TAF5L: variants seen among roughly 807,000 people sequenced by gnomAD.
TAF5L encodes the protein TAF5-like RNA polymerase II p300/CBP-associated factor-associated factor 65 kDa subunit 5L.
Under a neutral mutation model 51.3 loss-of-function variants are expected in TAF5L, and 7 were observed. The observed-to-expected ratio is 0.14, with a 90% CI of 0.08 to 0.26. TAF5L has a LOEUF of 0.26. TAF5L is among the 10% of genes least tolerant of loss of function. TAF5L has a pLI of 1.00. For missense variants in TAF5L, 575 were observed against 758.9 expected, an observed-to-expected ratio of 0.76 and a Z score of 2.85; for synonymous variants, 291 against 308.1, an observed-to-expected ratio of 0.94 and a Z score of 0.58.
chr1:229,605,190 T>C (rs113655395), intron 3 of TAF5L, among the ~76,000 whole-genome samples: 1,635 of 151,608 alleles, frequency 0.011, 27 homozygotes, highest in African/African-American at 0.038. Flanking sequence ...AGCTCCTGAC[T>C]TTAAGTGATA....
intron 1 of TAF5L, among the ~76,000 whole-genome samples, chr1:229,618,612 C>T (rs1259494147): frequency 6.6e-6 from 1 of 152,210 alleles, no homozygotes; most frequent in Non-Finnish European, 1.5e-5. Context: ...GGGAAAACCA[C>T]AGCCACACTT....
At chr1:229,598,865 A>C (rs1221297047) in intron 4 of TAF5L, among the ~76,000 whole-genome samples, 1 of 151,796 alleles carries the variant, frequency 6.6e-6, no homozygotes, top group Non-Finnish European at 1.5e-5. Context: ...CGCCCAGCTA[A>C]TTTTTGTATT....
At chr1:229,595,997 A>G (rs1664110604) in intron 4 of TAF5L, among the ~76,000 whole-genome samples, 1 of 152,206 alleles carries the variant, frequency 6.6e-6, no homozygotes, top group Non-Finnish European at 1.5e-5. Flanking sequence ...CCATTGGTTC[A>G]GGCATGGTGG....
At chr1:229,617,770 A>C (rs757571080) in intron 1 of TAF5L, among the ~76,000 whole-genome samples, 1 of 152,232 alleles carries the variant, frequency 6.6e-6, no homozygotes. Flanking sequence ...AACACTGACC[A>C]TATTTAAGAT....
rs1363449866 is a variant in TAF5L at position 229,594,306 on chromosome 1, C to T, written c.1761G>A (p.Gln587=). ...CAACAAAGTTAAAAAATTAATGTTCCTGATTTTCTTGTGTAATTCCAGTCA... is the reference window on the plus strand; with the variant it reads ...CAACAAAGTTAAAAAATTAATGTTCTTGATTTTCTTGTGTAATTCCAGTCA... Residue 587 remains glutamine, a synonymous_variant, in exon 5 of 5, where the codon CAG becomes CAA. Transcript: ENST00000258281. This position sits in a 1 kb window ranked among gnomAD's most constrained non-coding sequence, Gnocchi z 7.9. The T allele has an allele frequency of 6.2e-7, 1 of 1,604,784 alleles. No homozygotes were observed. The highest frequency in any genetic ancestry group is 1.7e-5 in the Admixed American group (1 of 59,462).
intron 4 of TAF5L, chr1:229,600,531 C>G (rs116376466): frequency 1.0e-6 from 1 of 985,312 alleles, no homozygotes; most frequent in Non-Finnish European, 1.2e-6. Flanking sequence ...ATTGAATAAC[C>G]GAGCTCTTCT....
intron 3 of TAF5L, 91 bp downstream of exon 3, chr1:229,610,015 G>A (rs1664731269): frequency 2.9e-6 from 3 of 1,022,236 alleles, no homozygotes; most frequent in Non-Finnish European, 4.4e-6. Flanking sequence ...GCTCCTTGTG[G>A]AGCAGGGCTA....
At position 229,602,345 on chromosome 1, in the gene TAF5L, T is replaced by C. The variant is rs1329957240; in HGVS notation, c.822A>G (p.Ala274=). 1.2e-6 allele frequency: 2 copies of C among 1,614,052 alleles called. No homozygotes were observed. Among genetic ancestry groups the C allele is most frequent in the East Asian group, 2.2e-5 (1 of 44,902 alleles). The change falls in exon 4 of 5, where the codon GCA becomes GCG. Residue 274 remains alanine (A), a synonymous_variant. Transcript: ENST00000258281. The surrounding 1 kb of genome is among the most constrained non-coding windows in gnomAD (Gnocchi z 4.6). ...GCAGCTTGCTATCGGGGGAGATTTC[T>C]GCAGTGTTCAACAGCTGCTCTGTGT...
Position 229,594,808 on chromosome 1 carries a change from C to A in TAF5L, c.1259G>T (p.Arg420Met). The change falls in exon 5 of 5, where the codon AGG becomes ATG. Residue 420 changes from arginine (R) to methionine (M), a missense_variant. By Grantham distance (91) the Arg-to-Met change is moderately conservative. Around this residue, in one of 3 missense-constraint regions of TAF5L, gnomAD observed 104 missense variants for 218.3 expected, o/e 0.48. Coordinates refer to ENST00000258281, the Ensembl canonical transcript of TAF5L. The surrounding 1 kb of genome is among the most constrained non-coding windows in gnomAD (Gnocchi z 7.9). ...ATCTGCCAGGTGTCCTGCATATATC[C>A]TCAGCGGGTACGTCCGATCAAATGA... is the stretch of plus-strand genomic sequence containing the variant. 1 of 1,614,200 alleles carries A rather than the reference C, an allele frequency of 6.2e-7. No individual in the cohort carries two copies. The highest frequency in any genetic ancestry group is 8.5e-7 in the Non-Finnish European group (1 of 1,180,042).
chr1:229,613,691 G>C (rs1296969668), intron 2 of TAF5L, among the ~76,000 whole-genome samples: 4 of 152,182 alleles, frequency 2.6e-5, no homozygotes, highest in African/African-American at 9.7e-5. Flanking sequence ...CATCTTATCA[G>C]GCAGGAACTT....
At chr1:229,607,532 C>T (rs1343483991) in intron 3 of TAF5L, 3 of 968,302 alleles carry the variant, frequency 3.1e-6, no homozygotes, top group Non-Finnish European at 3.7e-6. Flanking sequence ...TACTGAAACT[C>T]AATCCATCCT....
chr1:229,623,266 C>T (rs1665291642), intron 1 of TAF5L, among the ~76,000 whole-genome samples: 1 of 152,246 alleles, frequency 6.6e-6, no homozygotes, highest in South Asian at 2.1e-4. Context: ...AAGAGTGGAA[C>T]TCCGTCTCCA....
chr1:229,625,173 C>A lies in TAF5L; in HGVS notation c.-4+712G>T, dbSNP rs1204716762. On this transcript the variant is annotated intron_variant, in intron 1 of 4. Coordinates refer to ENST00000258281, the Ensembl canonical transcript of TAF5L. The surrounding 1 kb of genome is among the most constrained non-coding windows in gnomAD (Gnocchi z 4.0). ...CACTTCCGCTAAGTCTAAAATGACA[C>A]CACTGTTTCTAACCATCCACTCACT... 3.3e-5 allele frequency among the ~76,000 whole-genome samples: 5 copies of A among 152,306 alleles called. No individual in the cohort carries two copies. Among genetic ancestry groups the A allele is most frequent in the African/African-American group, 1.2e-4 (5 of 41,562 alleles).
chr1:229,610,843 G>GT (rs1275682368), intron 2 of TAF5L, among the ~76,000 whole-genome samples: 1 of 151,936 alleles, frequency 6.6e-6, no homozygotes, highest in Non-Finnish European at 1.5e-5. Context: ...TTACTATCAT[G>GT]TATCTAATTG....
intron 3 of TAF5L, among the ~76,000 whole-genome samples, chr1:229,603,468 T>A (rs1007018509): frequency 6.6e-6 from 1 of 152,226 alleles, no homozygotes; most frequent in Admixed American, 6.5e-5. Flanking sequence ...ACTTTTGGCA[T>A]CCATTGTCTC....
chr1:229,602,593 T>C lies in TAF5L; in HGVS notation c.574A>G (p.Thr192Ala). The C allele has an allele frequency of 6.2e-7, 1 of 1,614,150 alleles. No homozygotes were observed. Among genetic ancestry groups the C allele is most frequent in the Middle Eastern group, 1.6e-4 (1 of 6,062 alleles). Reference sequence around the variant, plus strand: ...TGCACGTCAAGATGAATATGTAAGGTGAGGACTTTGCACAGGGCAGTATTG... The same window carrying C: ...TGCACGTCAAGATGAATATGTAAGGCGAGGACTTTGCACAGGGCAGTATTG... The change falls in exon 4 of 5, where the codon ACC becomes GCC. Residue 192 changes from threonine to alanine, a missense_variant. Around this residue, in one of 3 missense-constraint regions of TAF5L, gnomAD observed 380 missense variants for 443.7 expected, o/e 0.86. Coordinates refer to ENST00000258281, the Ensembl canonical transcript of TAF5L. The surrounding 1 kb of genome is among the most constrained non-coding windows in gnomAD (Gnocchi z 4.6).
chr1:229,600,041 C>T, intron 4 of TAF5L: 1 of 982,198 alleles, frequency 1.0e-6, no homozygotes, highest in Non-Finnish European at 1.2e-6. Context: ...TTAAGAGTCT[C>T]TATTTTATTT....
In TAF5L at chr1:229,602,391, A is replaced by G. The variant is rs1218261459; in HGVS notation, c.776T>C (p.Ile259Thr). 6.2e-7 allele frequency: 1 copy of G among 1,614,176 alleles called. No individual in the cohort carries two copies. Among genetic ancestry groups the G allele is most frequent in the Non-Finnish European group, 8.5e-7 (1 of 1,180,034 alleles). The change falls in exon 4 of 5, where the codon ATC (isoleucine) becomes ACC (threonine). Residue 259 changes from isoleucine (I) to threonine (T), a missense_variant. By Grantham distance (89) the Ile-to-Thr change is moderately conservative. Around this residue, in one of 3 missense-constraint regions of TAF5L, gnomAD observed 380 missense variants for 443.7 expected, o/e 0.86. Coordinates refer to ENST00000258281, the Ensembl canonical transcript of TAF5L. The surrounding 1 kb of genome is among the most constrained non-coding windows in gnomAD (Gnocchi z 4.6). ...TGTGTTATAGAAGGCATAGAAGCAG[A>G]TGGTAGTGAGGGAGGGAGGCCCATC...
At chr1:229,601,316 G>A in intron 4 of TAF5L, 1 of 985,352 alleles carries the variant, frequency 1.0e-6, no homozygotes, top group Non-Finnish European at 1.2e-6. Context: ...ATTCAACATT[G>A]TGTAAAGAAT....
Sources: allele counts gnomAD v4.1 joint callset (sites outside exome capture counted in the v4.1 genomes callset), GRCh38; gene constraint gnomAD v4.1.1; regional missense constraint gnomAD v4.1.1; non-coding constraint Gnocchi (gnomAD v3.1); transcripts MANE v1.5; gene names NCBI Gene and HGNC (gene_info 2026-07-23, HGNC 2026-07-21).